Variants in NPDC1 observed in about 807,000 individuals in gnomAD.
NPDC1 encodes the protein neural proliferation differentiation and control protein 1.
NPDC1 carries 18 observed loss-of-function variants against 32.5 expected under a neutral mutation model. The observed-to-expected ratio is 0.55, with a 90% CI of 0.38 to 0.82. The LOEUF (loss-of-function observed/expected upper bound fraction) is 0.82. NPDC1 is among the 40% of genes least tolerant of loss of function. The pLI is 0.00. For missense variants in NPDC1, 468 were observed against 406.6 expected (o/e 1.15, Z -1.30); for synonymous variants, 210 against 184.7 (o/e 1.14, Z -1.11).
intron 2 of NPDC1, among the ~76,000 whole-genome samples, chr9:137,042,305 G>A (rs1364478755): frequency 6.6e-6 from 1 of 152,094 alleles, no homozygotes. Flanking sequence ...CCAGGCTGGA[G>A]TGCAGTGGCG....
chr9:137,044,466 C>T (rs1301293821), intron 1 of NPDC1, among the ~76,000 whole-genome samples: 2 of 152,240 alleles, frequency 1.3e-5, no homozygotes, highest in African/African-American at 4.8e-5. Flanking sequence ...ACAAAGCTGG[C>T]TCTAGGGTCT....
At chr9:137,043,453 G>A (rs1832087651) in intron 1 of NPDC1, 4 of 638,304 alleles carry the variant, frequency 6.3e-6, no homozygotes, top group Non-Finnish European at 1.2e-5. Context: ...CGTCCAGATT[G>A]GGAGTCCCAG....
Position 137,040,407 on chromosome 9 carries a change from C to T in NPDC1, c.738G>A (p.Ala246=), listed in dbSNP as rs7043416. 6,566 of 1,549,094 alleles carry T rather than the reference C, an allele frequency of 4.2e-3. 61 individuals carry two copies. Among genetic ancestry groups the T allele is most frequent in the East Asian group, 0.031 (1,290 of 40,954 alleles). The change falls in exon 7 of 9, where the codon GCG becomes GCA. Residue 246 remains alanine, a synonymous_variant. Transcript: ENST00000371601. ...SPGDQRLAQS[A]EMYHYQHQRQ... is the part of the protein sequence containing the mutation. ...GTTGGTGCTGGTAGTGGTACATCTC[C>T]GCGCTCTGTGCCAGCCGCTGGTCCC... is the stretch of plus-strand genomic sequence containing the variant.
intron 1 of NPDC1, chr9:137,044,229 A>G (rs3829107): frequency 0.41 from 61,752 of 152,268 alleles, 13,209 homozygotes; most frequent in African/African-American, 0.53. Context: ...CAGCAGCCGC[A>G]GTGGCAGGTG....
rs1335417244 is a variant in NPDC1, at chr9:137,039,999, G to T, written c.857C>A (p.Thr286Lys). The T allele has an allele frequency of 3.9e-6, 3 of 779,034 alleles. No homozygotes were observed. In the Admixed American group the frequency reaches 5.1e-5, roughly 13 times the overall value. The allele number at this position is 779,034 out of a possible 1,614,324, so 48.3% of individuals were successfully genotyped here. The change falls in exon 8 of 9, where the codon ACG (threonine) becomes AAG (lysine). Residue 286 changes from threonine (T) to lysine (K), a missense_variant. Thr to Lys is a moderately conservative substitution (Grantham distance 78, BLOSUM62 -1). Transcript: ENST00000371601. ...SDEENEDGDF[T>K]VYECPGLAPT... ...GGCCAGGCCCGGGCACTCGTACACCGTGAAGTCTCCGTCCTCATTCTCCTC... is the reference window on the plus strand; with the variant it reads ...GGCCAGGCCCGGGCACTCGTACACCTTGAAGTCTCCGTCCTCATTCTCCTC...
In NPDC1 at chr9:137,041,524, C is replaced by T. The variant is rs995547294; in HGVS notation, c.260-337G>A. ...GCTTCCCCACCTCCAAGCACCTTCT[C>T]GGGTAGAGGGGCAGGGACTCCCCAA... On this transcript the variant is annotated intron_variant, in intron 2 of 8. Coordinates refer to ENST00000371601, the MANE Select transcript of NPDC1 (RefSeq NM_015392.4). Among the ~76,000 whole-genome samples the T allele has an allele frequency of 5.9e-5, 9 of 152,158 alleles. No individual in the cohort carries two copies. The South Asian group carries it at 6.2e-4, about 10-fold the overall frequency.
At chr9:137,042,235 G>A (rs1564247014) in intron 2 of NPDC1, among the ~76,000 whole-genome samples, 3 of 152,154 alleles carry the variant, frequency 2.0e-5, no homozygotes, top group Admixed American at 6.5e-5. Flanking sequence ...GCACAGGCCT[G>A]GGCATTGAGG....
At chr9:137,043,192 C>T (rs1327849363) in intron 1 of NPDC1, 119 bp from the exon 2 acceptor site, 1 of 1,134,474 alleles carries the variant, frequency 8.8e-7, no homozygotes. Context: ...GGGCCTGGTT[C>T]TGGCCATTGT....
intron 1 of NPDC1, 128 bp from the exon 2 acceptor site, chr9:137,043,201 G>T: frequency 2.0e-6 from 2 of 1,009,150 alleles, no homozygotes; most frequent in Non-Finnish European, 3.0e-6. Context: ...TCTGGCCATT[G>T]TTCTGGACAT....
At chr9:137,040,770 G>A (rs764322250) in intron 4 of NPDC1, 33 bp from the exon 5 acceptor site, 1 of 1,586,048 alleles carries the variant, frequency 6.3e-7, no homozygotes, top group Admixed American at 1.8e-5. Context: ...GCGGCCTTCT[G>A]CAGGGCGCCC....
In NPDC1 at chr9:137,040,952, G is replaced by T. The variant is rs1333175954; in HGVS notation, c.418C>A (p.Leu140Met). The stretch of plus-strand genomic sequence containing the variant: ...GGAGTGGAGGGGAGGCCCAGCTCCA[G>T]CCCCTGCCCCCGTGCCGAGAAGCCC... Reference protein sequence around the residue: ...TLGFSARGQGLELGLPSTPGT... With the variant: ...TLGFSARGQGMELGLPSTPGT... Residue 140 changes from leucine to methionine, a missense_variant, in exon 4 of 9, where the codon CTG becomes ATG. Coordinates refer to ENST00000371601, the MANE Select transcript of NPDC1 (RefSeq NM_015392.4). 7 of 1,549,292 alleles carry T rather than the reference G, an allele frequency of 4.5e-6. No individual in the cohort carries two copies. The highest frequency in any genetic ancestry group is 6.1e-6 in the Non-Finnish European group (7 of 1,151,414).
intron 1 of NPDC1, among the ~76,000 whole-genome samples, chr9:137,045,610 G>C (rs1474097024): frequency 6.6e-6 from 1 of 152,250 alleles, no homozygotes; most frequent in Non-Finnish European, 1.5e-5. Flanking sequence ...CGCGCTCCCG[G>C]CGGAAGAAGC....
At chr9:137,044,389 G>C (rs1181361609) in intron 1 of NPDC1, among the ~76,000 whole-genome samples, 3 of 152,176 alleles carry the variant, frequency 2.0e-5, no homozygotes, top group African/African-American at 7.2e-5. Context: ...CACCTGGGGA[G>C]TGAGGCAGTC....
rs1832126337 is a variant in NPDC1, at chr9:137,046,115, CAAG to C, written c.-129_-127del. On this transcript the variant is annotated 5_prime_UTR_variant, in exon 1 of 9. Transcript: ENST00000371601. ...CGCAGGAGGAAGAAGAGGCGGATGC[CAAG>C]GAGGAGGAGGAGGAAGAGGAAAGGC... is the stretch of plus-strand genomic sequence containing the variant. 1 of 1,091,170 alleles carries C rather than the reference CAAG, an allele frequency of 9.2e-7. No homozygotes were observed. The highest frequency in any genetic ancestry group is 1.1e-6 in the Non-Finnish European group (1 of 897,154). 67.6% of individuals were successfully genotyped at this position (1,091,170 alleles called of 1,614,324 possible).
At chr9:137,045,475 G>A (rs1373890860) in intron 1 of NPDC1, among the ~76,000 whole-genome samples, 1 of 152,172 alleles carries the variant, frequency 6.6e-6, no homozygotes, top group African/African-American at 2.4e-5. Flanking sequence ...CGAAGCCGGC[G>A]GGCACTCAGG....
chr9:137,043,024 T>C lies in NPDC1; in HGVS notation c.162A>G (p.Ala54=). 1 of 1,612,714 alleles carries C rather than the reference T, an allele frequency of 6.2e-7. No homozygotes were observed. The highest frequency in any genetic ancestry group is 1.1e-5 in the South Asian group (1 of 91,072). ...GSLDCALKRR[A]RCPPGAHACG... ...AGGCATGTGCACCAGGAGGACACCT[T>C]GCCCGCCTCTTCAGGGCACAGTCCA... The change falls in exon 2 of 9, where the codon GCA becomes GCG. Residue 54 remains alanine (A), a synonymous_variant. Coordinates refer to ENST00000371601, the MANE Select transcript of NPDC1 (RefSeq NM_015392.4).
chr9:137,043,400 C>A (rs1832087070), intron 1 of NPDC1: 1 of 692,504 alleles, frequency 1.4e-6, no homozygotes, highest in East Asian at 2.7e-5. Context: ...CCCCACAAGC[C>A]CAGCCTCCGG....
At position 137,040,953 on chromosome 9, in the gene NPDC1, C is replaced by G. The variant is rs1832040224; in HGVS notation, c.417G>C (p.Gly139=). The G allele has an allele frequency of 1.3e-6, 2 of 1,548,032 alleles. No homozygotes were observed. The highest frequency in any genetic ancestry group is 1.7e-6 in the Non-Finnish European group (2 of 1,150,636). ...ATLGFSARGQ[G]LELGLPSTPG... is the part of the protein sequence containing the mutation. ...GAGTGGAGGGGAGGCCCAGCTCCAG[C>G]CCCTGCCCCCGTGCCGAGAAGCCCA... The change falls in exon 4 of 9, where the codon GGG becomes GGC. Residue 139 remains glycine, a synonymous_variant. Coordinates refer to ENST00000371601, the MANE Select transcript of NPDC1 (RefSeq NM_015392.4).
In NPDC1 at chr9:137,039,987, C is replaced by A. The variant is rs757161300; in HGVS notation, c.869G>T (p.Cys290Phe). 4 of 779,012 alleles carry A rather than the reference C, an allele frequency of 5.1e-6. No homozygotes were observed. The highest frequency in any genetic ancestry group is 7.2e-6 in the Non-Finnish European group (3 of 417,978). 48.3% of individuals were successfully genotyped at this position (779,012 alleles called of 1,614,324 possible). ...NEDGDFTVYE[C>F]PGLAPTGEME... is the part of the protein sequence containing the mutation. ...GGCACTCACCGGGGCCAGGCCCGGG[C>A]ACTCGTACACCGTGAAGTCTCCGTC... The change falls in exon 8 of 9, where the codon TGC (cysteine) becomes TTC (phenylalanine). Residue 290 changes from cysteine to phenylalanine, a missense_variant. Coordinates refer to ENST00000371601, the MANE Select transcript of NPDC1 (RefSeq NM_015392.4).
Sources: allele counts gnomAD v4.1 joint callset (sites outside exome capture counted in the v4.1 genomes callset), GRCh38; gene constraint gnomAD v4.1.1; transcripts MANE v1.5; gene names NCBI Gene and HGNC (gene_info 2026-07-23, HGNC 2026-07-21).